The following SYT16 variants were observed in gnomAD, a reference collection of about 807,000 sequenced individuals.
SYT16 encodes synaptotagmin-16.
In SYT16, 42 loss-of-function variants were observed where a neutral mutation model predicts 61.4. The ratio of observed to expected loss-of-function variants is 0.68; its 90% CI spans 0.53 to 0.89. The LOEUF (loss-of-function observed/expected upper bound fraction) is 0.89, where lower values mean the gene tolerates loss of function less well. Among genes scored for constraint, SYT16 ranks in the 40% least tolerant of loss-of-function variants. The probability of loss-of-function intolerance (pLI) is 0.00; values close to 1 mark genes in which losing one functional copy is unlikely to be tolerated. For missense variants in SYT16, 804 were observed against 807.3 expected (o/e 1.00, Z 0.05); for synonymous variants, 314 against 302.3 (o/e 1.04, Z -0.40).
intron 7 of SYT16, 102 bp downstream of exon 7, chr14:62,084,487 CTTA>C: frequency 7.8e-7 from 1 of 1,277,638 alleles, no homozygotes; most frequent in Admixed American, 3.0e-5. Flanking sequence ...TAAAAATGAT[CTTA>C]TTATGGCTTA....
intron 3 of SYT16, among the ~76,000 whole-genome samples, chr14:62,011,868 T>TACACACACACACAC (rs1491125020): frequency 1.6e-5 from 1 of 62,140 alleles, no homozygotes; most frequent in African/African-American, 5.6e-5. Flanking sequence ...CAGGGAACAC[T>TACACACACACACAC]ATATATACAC....
chr14:61,943,275 G>A (rs1052191129), intron 1 of SYT16, among the ~76,000 whole-genome samples: 3 of 152,128 alleles, frequency 2.0e-5, no homozygotes, highest in East Asian at 1.9e-4. Context: ...AAGACCAGAC[G>A]GATTCACAGC....
chr14:61,878,631 C>T (rs1239794319), intron 1 of SYT16, among the ~76,000 whole-genome samples: 1 of 152,222 alleles, frequency 6.6e-6, no homozygotes, highest in Non-Finnish European at 1.5e-5. Context: ...ACCATTCATA[C>T]CAAAACCTGG....
chr14:61,817,692 G>A (rs549025485), intron 1 of SYT16, among the ~76,000 whole-genome samples: 44 of 152,232 alleles, frequency 2.9e-4, no homozygotes, highest in African/African-American at 1.0e-3. Flanking sequence ...GAAAAAATGC[G>A]ACAAAGGACA....
At chr14:61,935,927 G>A (rs1323557318) in intron 1 of SYT16, among the ~76,000 whole-genome samples, 1 of 152,164 alleles carries the variant, frequency 6.6e-6, no homozygotes, top group African/African-American at 2.4e-5. Flanking sequence ...AAGGGCGCAA[G>A]TATTCTGACC....
intron 3 of SYT16, among the ~76,000 whole-genome samples, chr14:62,038,279 G>C (rs772594657): frequency 1.9e-4 from 28 of 150,306 alleles, no homozygotes; most frequent in Non-Finnish European, 3.5e-4. Flanking sequence ...TTTTGATACA[G>C]AAGATACATG....
At chr14:62,051,877 A>G (rs2055317893) in intron 3 of SYT16, among the ~76,000 whole-genome samples, 1 of 152,104 alleles carries the variant, frequency 6.6e-6, no homozygotes, top group Admixed American at 6.6e-5. Context: ...ATAAAACATT[A>G]GAAAATTAGC....
In SYT16 at chr14:61,864,757, G is replaced by C. The variant is rs117242538; in HGVS notation, c.-325+51947G>C. On this transcript the variant is annotated intron_variant, in intron 1 of 7. Transcript: ENST00000683842. ...GTCCACTCGCTACCTGGTTAATGAC[G>C]CATGTGGCTGGCCGGTTGGGCCCTA... 4.2e-6 allele frequency: 4 copies of C among 960,746 alleles called. No homozygotes were observed. In the South Asian group the frequency reaches 6.2e-5, roughly 15 times the overall value. The allele number at this position is 960,746 out of a possible 1,614,324, so 59.5% of individuals were successfully genotyped here. A position where few individuals can be genotyped will look rare whatever the true frequency, so the allele number is the denominator to read the frequency against.
chr14:62,066,887 G>A (rs551031111), intron 3 of SYT16, among the ~76,000 whole-genome samples: 42 of 152,290 alleles, frequency 2.8e-4, no homozygotes, highest in African/African-American at 4.3e-4. Flanking sequence ...TAATGCTGCC[G>A]TGGCATCCGA....
intron 2 of SYT16, among the ~76,000 whole-genome samples, chr14:61,973,977 A>G (rs2051673540): frequency 6.6e-6 from 1 of 152,174 alleles, no homozygotes; most frequent in Non-Finnish European, 1.5e-5. Context: ...CGCCCGAAGA[A>G]GAGTCAGAAA....
intron 1 of SYT16, among the ~76,000 whole-genome samples, chr14:61,864,029 T>C (rs1340180055): frequency 6.6e-6 from 1 of 152,234 alleles, no homozygotes; most frequent in East Asian, 1.9e-4. Flanking sequence ...TGAAGTTGGG[T>C]AGTATCAGTC....
At chr14:61,847,316 G>A (rs971277211) in intron 1 of SYT16, among the ~76,000 whole-genome samples, 2 of 152,108 alleles carry the variant, frequency 1.3e-5, no homozygotes, top group Admixed American at 6.6e-5. Context: ...ATTTTTGCTA[G>A]ATATACTATT....
chr14:61,844,158 ATAAATGGTATT>A (rs1455248646), intron 1 of SYT16, among the ~76,000 whole-genome samples: 1 of 152,098 alleles, frequency 6.6e-6, no homozygotes, highest in Non-Finnish European at 1.5e-5. Flanking sequence ...TGTGGCTATT[ATAAATGGTATT>A]ACTTTTTTGA....
chr14:61,986,812 A>T (rs1163307906), intron 2 of SYT16, among the ~76,000 whole-genome samples: 3 of 152,246 alleles, frequency 2.0e-5, no homozygotes, highest in Non-Finnish European at 4.4e-5. Context: ...GTTAACTGAA[A>T]GAAGCAGTAT....
intron 3 of SYT16, among the ~76,000 whole-genome samples, chr14:62,030,473 AC>A (rs1237967053): frequency 3.3e-5 from 5 of 152,162 alleles, no homozygotes; most frequent in African/African-American, 1.2e-4. Context: ...GCCTCAATTT[AC>A]CTTAATTTGT....
At chr14:62,045,743 G>A (rs1324212647) in intron 3 of SYT16, among the ~76,000 whole-genome samples, 2 of 152,080 alleles carry the variant, frequency 1.3e-5, no homozygotes, top group African/African-American at 4.8e-5. Flanking sequence ...GAGAATGATG[G>A]TTTCCAGCTT....
intron 3 of SYT16, among the ~76,000 whole-genome samples, chr14:62,063,112 C>T (rs1419856030): frequency 6.6e-6 from 1 of 152,174 alleles, no homozygotes; most frequent in Non-Finnish European, 1.5e-5. Context: ...ACTCCACCTC[C>T]AGGCTTGGGA....
intron 3 of SYT16, among the ~76,000 whole-genome samples, chr14:62,025,750 G>T (rs1422259519): frequency 6.6e-6 from 1 of 151,734 alleles, no homozygotes; most frequent in Non-Finnish European, 1.5e-5. Flanking sequence ...TAATGTAAGT[G>T]GTATTCTATT....
At chr14:62,040,876 C>A (rs959459328) in intron 3 of SYT16, among the ~76,000 whole-genome samples, 2 of 152,058 alleles carry the variant, frequency 1.3e-5, no homozygotes, top group African/African-American at 4.8e-5. Flanking sequence ...AATTGATGAA[C>A]TGATATTGGT....
Sources: allele counts gnomAD v4.1 joint callset (sites outside exome capture counted in the v4.1 genomes callset), GRCh38; gene constraint gnomAD v4.1.1; transcripts MANE v1.5; gene names NCBI Gene and HGNC (gene_info 2026-07-23, HGNC 2026-07-21).